Variants in RYR3 observed in about 807,000 individuals in gnomAD.
RYR3 encodes the protein ryanodine receptor 3, also known as brain ryanodine receptor-calcium release channel.
RYR3 carries 207 observed loss-of-function variants against 584.3 expected under a neutral mutation model. The ratio of observed to expected loss-of-function variants is 0.35; its 90% CI spans 0.32 to 0.40. The LOEUF (loss-of-function observed/expected upper bound fraction) is 0.40, where lower values mean the gene tolerates loss of function less well. RYR3 is among the 10% of genes least tolerant of loss of function. RYR3 has a pLI of 1.00. For synonymous variants in RYR3, 2,416 were observed against 2,248.5 expected, an observed-to-expected ratio of 1.07 and a Z score of -2.11; for missense variants, 5,616 against 6,089.2, an observed-to-expected ratio of 0.92 and a Z score of 2.59.
chr15:33,339,660 C>T (rs1412694735), intron 1 of RYR3, among the ~76,000 whole-genome samples: 1 of 152,020 alleles, frequency 6.6e-6, no homozygotes. Context: ...GAGGCCGAGG[C>T]GGGCGGATCA....
chr15:33,581,020 C>G (rs2058561336), intron 13 of RYR3, among the ~76,000 whole-genome samples: 1 of 132,006 alleles, frequency 7.6e-6, no homozygotes. Context: ...GCTATTGTCT[C>G]TAAATCCCCT....
At chr15:33,333,066 CAAAAAA>C (rs1195937254) in intron 1 of RYR3, among the ~76,000 whole-genome samples, 3 of 55,736 alleles carry the variant, frequency 5.4e-5, no homozygotes, top group South Asian at 8.1e-4. Context: ...GCCTACCAAC[CAAAAAA>C]AAAAAAAAAA....
chr15:33,754,595 G>C (rs1449605386), intron 57 of RYR3, among the ~76,000 whole-genome samples: 2 of 152,132 alleles, frequency 1.3e-5, no homozygotes, highest in African/African-American at 4.8e-5. Context: ...TAACACTACA[G>C]TCTGCAAACC....
At chr15:33,531,650 T>C (rs1036663307) in intron 4 of RYR3, among the ~76,000 whole-genome samples, 1 of 151,426 alleles carries the variant, frequency 6.6e-6, no homozygotes, top group African/African-American at 2.4e-5. Context: ...TATATATATT[T>C]TTTTTTCTGA....
At chr15:33,821,194 C>T in intron 78 of RYR3, 76 bp from the exon 79 acceptor site, 1 of 1,179,878 alleles carries the variant, frequency 8.5e-7, no homozygotes, top group Middle Eastern at 2.1e-4. Flanking sequence ...GGAAAATTCT[C>T]TCTCACCTCA....
chr15:33,435,476 T>C (rs368903707), intron 1 of RYR3, among the ~76,000 whole-genome samples: 1 of 152,202 alleles, frequency 6.6e-6, no homozygotes, highest in South Asian at 2.1e-4. Context: ...TGTGTGTGTG[T>C]GCTATTTCAC....
intron 38 of RYR3, among the ~76,000 whole-genome samples, chr15:33,677,990 T>C (rs796489167): frequency 4.6e-5 from 7 of 152,328 alleles, no homozygotes; most frequent in African/African-American, 1.4e-4. Flanking sequence ...GTTTATTCAA[T>C]TGAAGCGTTG....
intron 1 of RYR3, among the ~76,000 whole-genome samples, chr15:33,352,408 A>C (rs1240682283): frequency 6.6e-6 from 1 of 152,094 alleles, no homozygotes; most frequent in Non-Finnish European, 1.5e-5. Context: ...GAGATCAATT[A>C]TTTTGATACA....
chr15:33,365,785 G>A (rs75168360), intron 1 of RYR3, among the ~76,000 whole-genome samples: 2 of 152,132 alleles, frequency 1.3e-5, no homozygotes, highest in East Asian at 1.9e-4. Flanking sequence ...CCTTGGTGGT[G>A]GTGATGGCTT....
At chr15:33,822,127 G>A (rs55888163) in intron 80 of RYR3, among the ~76,000 whole-genome samples, 1 of 152,054 alleles carries the variant, frequency 6.6e-6, no homozygotes, top group Non-Finnish European at 1.5e-5. Flanking sequence ...TCCTGCCATC[G>A]TGCAGCCTAC....
At chr15:33,487,282 G>A (rs2050527220) in intron 2 of RYR3, among the ~76,000 whole-genome samples, 1 of 151,842 alleles carries the variant, frequency 6.6e-6, no homozygotes, top group Non-Finnish European at 1.5e-5. Flanking sequence ...ATGGGCAAAA[G>A]GCTGAGTTAG....
intron 50 of RYR3, 88 bp downstream of exon 50, chr15:33,738,678 C>T (rs2069758410): frequency 4.1e-6 from 6 of 1,467,472 alleles, no homozygotes; most frequent in South Asian, 1.2e-5. Context: ...TTTAGCATTC[C>T]ATTTGCCAGG....
chr15:33,695,421 A>G (rs117479455), intron 38 of RYR3, among the ~76,000 whole-genome samples: 2,506 of 149,150 alleles, frequency 0.017, 40 homozygotes, highest in Non-Finnish European at 0.027. Flanking sequence ...ACTTGTATAG[A>G]CAGTAAAATT....
chr15:33,853,853 A>G, intron 96 of RYR3, among the ~76,000 whole-genome samples, 171 bp downstream of exon 96: 1 of 152,150 alleles, frequency 6.6e-6, no homozygotes, highest in East Asian at 1.9e-4. Context: ...TTTGAAGACT[A>G]ATACATTTTT....
intron 1 of RYR3, among the ~76,000 whole-genome samples, chr15:33,326,278 T>C (rs1469224752): frequency 6.6e-6 from 1 of 152,192 alleles, no homozygotes; most frequent in African/African-American, 2.4e-5. Flanking sequence ...TGCTATCCCC[T>C]TATTCATCCG....
intron 36 of RYR3, among the ~76,000 whole-genome samples, chr15:33,668,141 A>G (rs542077863): frequency 1.4e-5 from 2 of 145,738 alleles, no homozygotes; most frequent in East Asian, 2.0e-4. Flanking sequence ...TACTAAAAAT[A>G]CTGAAAATAC....
chr15:33,696,396 C>G lies in RYR3; in HGVS notation c.6039C>G (p.Asp2013Glu). ...CCATCAGCCACACCTCTGTAAGCGA[C>G]ACCATCAACCTGCTGGCTGCCCTGG... is the stretch of plus-strand genomic sequence containing the variant. The part of the protein sequence containing the change: ...TYTISHTSVS[D>E]TINLLAALGQ... The change falls in exon 39 of 104, where the codon GAC becomes GAG. Residue 2013 changes from aspartate (D) to glutamate (E), a missense_variant. Physicochemically the swap from Asp to Glu is conservative, Grantham distance 45 (BLOSUM62 2). Coordinates refer to ENST00000634891, the MANE Select transcript of RYR3 (RefSeq NM_001036.6). The G allele has an allele frequency of 6.2e-7, 1 of 1,613,986 alleles. No homozygotes were observed. The highest frequency in any genetic ancestry group is 8.5e-7 in the Non-Finnish European group (1 of 1,179,894).
At chr15:33,758,554 C>A (rs867870887) in intron 60 of RYR3, among the ~76,000 whole-genome samples, 1 of 152,128 alleles carries the variant, frequency 6.6e-6, no homozygotes, top group African/African-American at 2.4e-5. Context: ...TGGAACGCAC[C>A]ACAGCACGGC....
At chr15:33,729,125 A>T (rs900431099) in intron 47 of RYR3, 99 bp downstream of exon 47, 4 of 950,096 alleles carry the variant, frequency 4.2e-6, no homozygotes, top group Admixed American at 5.2e-5. Context: ...CACCAATTAC[A>T]TTTTAATAGC....
Sources: gnomAD v4.1 joint callset for allele counts (sites outside exome capture counted in the v4.1 genomes callset) on GRCh38, gnomAD v4.1.1 for gene constraint, MANE v1.5 for transcripts, NCBI Gene and HGNC (gene_info 2026-07-23, HGNC 2026-07-21) for gene names.